Variants in SORCS1 observed in about 807,000 individuals in gnomAD.
The protein encoded by SORCS1 is sortilin related VPS10 domain containing receptor 1, also known as VPS10 domain-containing receptor SorCS1.
SORCS1 carries 60 observed loss-of-function variants against 146.1 expected under a neutral mutation model. That is an observed-to-expected ratio of 0.41 (90% CI 0.33 to 0.51). The LOEUF (loss-of-function observed/expected upper bound fraction) is 0.51. SORCS1 is among the 20% of genes least tolerant of loss of function. The pLI is 0.21. For synonymous variants in SORCS1, 637 were observed against 584.0 expected, an observed-to-expected ratio of 1.09 and a Z score of -1.31; for missense variants, 1,352 against 1,487.6, an observed-to-expected ratio of 0.91 and a Z score of 1.50.
intron 1 of SORCS1, among the ~76,000 whole-genome samples, chr10:107,035,287 A>C (rs1346005804): frequency 6.6e-6 from 1 of 150,476 alleles, no homozygotes; most frequent in African/African-American, 2.5e-5. Flanking sequence ...AACAAAAAAA[A>C]AAACACAGAA....
chr10:107,081,863 T>C (rs77304155), intron 1 of SORCS1, among the ~76,000 whole-genome samples: 3,401 of 152,304 alleles, frequency 0.022, 41 homozygotes, highest in Non-Finnish European at 0.032. Context: ...AGGAAACCAT[T>C]GCTGTGAGCT....
intron 1 of SORCS1, among the ~76,000 whole-genome samples, chr10:107,053,788 A>G (rs1960349849): frequency 6.6e-6 from 1 of 152,186 alleles, no homozygotes; most frequent in African/African-American, 2.4e-5. Flanking sequence ...CTTCACTGCT[A>G]GGGGTTTCCA....
chr10:107,000,976 T>A (rs2139612997), intron 1 of SORCS1, among the ~76,000 whole-genome samples: 1 of 152,282 alleles, frequency 6.6e-6, no homozygotes, highest in South Asian at 2.1e-4. Context: ...AGAATTTTTT[T>A]GTATAAATTT....
Position 107,156,689 on chromosome 10 carries a change from C to T in SORCS1, c.558+7280G>A, listed in dbSNP as rs113830191. On this transcript the variant is annotated intron_variant, in intron 1 of 25. Coordinates refer to ENST00000263054, the MANE Select transcript of SORCS1 (RefSeq NM_052918.5). ...ATCAACAGGCAGTCCTTCAGTTTGA[C>T]TACTGCTGCTCCAAAATGTTGATTG... 4.6e-5 allele frequency among the ~76,000 whole-genome samples: 7 copies of T among 152,348 alleles called. 1 individual carries two copies. The highest frequency in any genetic ancestry group is 1.7e-4 in the African/African-American group (7 of 41,586).
At chr10:106,897,522 C>A (rs1227004514) in intron 2 of SORCS1, among the ~76,000 whole-genome samples, 2 of 151,980 alleles carry the variant, frequency 1.3e-5, no homozygotes, top group African/African-American at 4.8e-5. Context: ...TTTTACAATC[C>A]CATCATAAAA....
rs566698015 is a variant in SORCS1, at chr10:106,587,846, G to T, written c.3266-8372C>A. Among the ~76,000 whole-genome samples, 1,195 of 145,726 alleles carry T rather than the reference G, an allele frequency of 8.2e-3. 16 individuals carry two copies. The highest frequency in any genetic ancestry group is 0.028 in the African/African-American group (1,128 of 40,858). On this transcript the variant is annotated intron_variant, in intron 24 of 25. Transcript: ENST00000263054. ...AGCAAAGTTCCTGTGTATTTTTTTTGGGGGGGGTCATGTTTTTTTATTTAA... is the reference window on the plus strand; with the variant it reads ...AGCAAAGTTCCTGTGTATTTTTTTTTGGGGGGGTCATGTTTTTTTATTTAA...
intron 2 of SORCS1, among the ~76,000 whole-genome samples, chr10:106,951,371 A>T (rs1452898693): frequency 6.6e-6 from 1 of 152,026 alleles, no homozygotes; most frequent in Admixed American, 6.6e-5. Context: ...TTAGCCAGGC[A>T]TGGTGGCGGG....
intron 24 of SORCS1, 42 bp from the exon 25 acceptor site, chr10:106,579,516 G>C (rs1194719176): frequency 1.3e-6 from 2 of 1,598,296 alleles, no homozygotes; most frequent in South Asian, 2.2e-5. Flanking sequence ...GCAGAGAACT[G>C]GGCAGGTGAG....
At chr10:107,024,776 A>G (rs1345535372) in intron 1 of SORCS1, among the ~76,000 whole-genome samples, 1 of 152,130 alleles carries the variant, frequency 6.6e-6, no homozygotes, top group African/African-American at 2.4e-5. Flanking sequence ...ATACTCTATC[A>G]CTACATTGGT....
At chr10:106,840,865 T>A (rs9663359) in intron 2 of SORCS1, among the ~76,000 whole-genome samples, 55,317 of 113,092 alleles carry the variant, frequency 0.49, 11,669 homozygotes, top group Middle Eastern at 0.51. Flanking sequence ...ATATATATAT[T>A]TTTTTTTTTT....
chr10:106,671,198 T>C (rs1482450706), intron 16 of SORCS1, 39 bp downstream of exon 16: 8 of 1,612,728 alleles, frequency 5.0e-6, no homozygotes, highest in Non-Finnish European at 6.8e-6. Flanking sequence ...GTGGATTTGA[T>C]ACACCAAATG....
intron 10 of SORCS1, among the ~76,000 whole-genome samples, chr10:106,687,848 C>A (rs533513250): frequency 1.3e-5 from 2 of 152,264 alleles, no homozygotes; most frequent in East Asian, 3.9e-4. Context: ...ATTAGTTCTG[C>A]AACAGGTTAC....
chr10:106,618,886 GA>G (rs975630653), intron 20 of SORCS1, among the ~76,000 whole-genome samples: 3 of 150,760 alleles, frequency 2.0e-5, no homozygotes, highest in African/African-American at 7.3e-5. Flanking sequence ...ATTCAAAACA[GA>G]AAAAAAAGAA....
chr10:107,034,354 C>T (rs1958795781), intron 1 of SORCS1, among the ~76,000 whole-genome samples: 1 of 151,874 alleles, frequency 6.6e-6, no homozygotes, highest in East Asian at 1.9e-4. Context: ...GTGCGCTTTC[C>T]ACCTTTCTTT....
At chr10:107,019,134 A>G (rs1958023070) in intron 1 of SORCS1, among the ~76,000 whole-genome samples, 1 of 152,238 alleles carries the variant, frequency 6.6e-6, no homozygotes, top group Non-Finnish European at 1.5e-5. Flanking sequence ...TCACATAAAT[A>G]TATGATGCAG....
intron 1 of SORCS1, among the ~76,000 whole-genome samples, chr10:106,977,606 T>TTA (rs58902566): frequency 5.5e-4 from 82 of 150,258 alleles, no homozygotes; most frequent in African/African-American, 1.7e-3. Flanking sequence ...TTTTTTTTTT[T>TTA]AATTTGTTCC....
At chr10:106,726,602 T>C (rs1414493600) in intron 6 of SORCS1, among the ~76,000 whole-genome samples, 1 of 152,026 alleles carries the variant, frequency 6.6e-6, no homozygotes, top group Non-Finnish European at 1.5e-5. Context: ...AACAGCAGCA[T>C]ATGCCCAAAA....
Position 106,809,687 on chromosome 10 carries a change from A to T in SORCS1, c.726+19887T>A, listed in dbSNP as rs138195391. 3.3e-3 allele frequency among the ~76,000 whole-genome samples: 504 copies of T among 152,224 alleles called. 2 individuals carry two copies. The highest frequency in any genetic ancestry group is 1.0e-2 in the African/African-American group (414 of 41,530). ...CTCCCCTTCACTATATATATATATA[A>T]AAAATCTCCAGAATCTGTTTGTAGG... On this transcript the variant is annotated intron_variant, in intron 3 of 25. Transcript: ENST00000263054.
At chr10:106,898,567 A>G (rs1307245105) in intron 2 of SORCS1, among the ~76,000 whole-genome samples, 1 of 152,162 alleles carries the variant, frequency 6.6e-6, no homozygotes, top group Non-Finnish European at 1.5e-5. Flanking sequence ...ATCAAAAGAT[A>G]ATTTTTGCGT....
Sources: allele counts gnomAD v4.1 joint callset (sites outside exome capture counted in the v4.1 genomes callset), GRCh38; gene constraint gnomAD v4.1.1; transcripts MANE v1.5; gene names NCBI Gene and HGNC (gene_info 2026-07-23, HGNC 2026-07-21).